The following GULP1 variants were observed in gnomAD, a reference collection of about 807,000 sequenced individuals.
GULP1 encodes the protein PTB domain-containing engulfment adapter protein 1.
Under a neutral mutation model 40.9 loss-of-function variants are expected in GULP1, and 19 were observed. The ratio of observed to expected loss-of-function variants is 0.46; its 90% CI spans 0.32 to 0.68. GULP1 has a LOEUF of 0.68. Among genes scored for constraint, GULP1 ranks in the 30% least tolerant of loss-of-function variants. The pLI, the probability that GULP1 is intolerant of heterozygous loss-of-function variation, is 0.03. For missense variants in GULP1, 312 were observed against 362.2 expected (o/e 0.86, Z 1.12); for synonymous variants, 119 against 117.6 (o/e 1.01, Z -0.08).
intron 11 of GULP1, chr2:188,592,903 T>A (rs540653310): frequency 6.2e-4 from 94 of 152,258 alleles, no homozygotes; most frequent in African/African-American, 2.1e-3. Flanking sequence ...GACATTTTGT[T>A]TTCTTTAGGA....
chr2:188,585,422 A>G (rs185737783), intron 10 of GULP1, among the ~76,000 whole-genome samples: 2 of 152,250 alleles, frequency 1.3e-5, no homozygotes, highest in African/African-American at 4.8e-5. Flanking sequence ...GCCCTAGTAG[A>G]GGTTCTCCAT....
chr2:188,385,587 A>G (rs1559177791), intron 2 of GULP1, among the ~76,000 whole-genome samples: 1 of 152,152 alleles, frequency 6.6e-6, no homozygotes, highest in South Asian at 2.1e-4. Context: ...TTTCTTTTCT[A>G]TTGCATTGTC....
intron 2 of GULP1, among the ~76,000 whole-genome samples, chr2:188,464,619 C>T (rs1033363743): frequency 6.6e-6 from 1 of 152,186 alleles, no homozygotes; most frequent in African/African-American, 2.4e-5. Flanking sequence ...GGACCTAGAT[C>T]GGTTCAGAGG....
chr2:188,545,210 A>G (rs1691582358), intron 7 of GULP1, among the ~76,000 whole-genome samples: 1 of 152,030 alleles, frequency 6.6e-6, no homozygotes. Context: ...TGCCACTACT[A>G]GATATCCTAA....
intron 2 of GULP1, among the ~76,000 whole-genome samples, chr2:188,419,951 A>C (rs2152760400): frequency 6.6e-6 from 1 of 152,280 alleles, no homozygotes; most frequent in East Asian, 1.9e-4. Flanking sequence ...CATTTGTTGA[A>C]GAGAGTATCC....
chr2:188,405,859 C>T (rs2053014995), intron 2 of GULP1, among the ~76,000 whole-genome samples: 1 of 152,198 alleles, frequency 6.6e-6, no homozygotes, highest in Non-Finnish European at 1.5e-5. Context: ...GTCCTGGTTT[C>T]TTCAAATGTG....
chr2:188,505,425 C>T lies in GULP1; in HGVS notation c.91-17331C>T, dbSNP rs148216848. On this transcript the variant is annotated intron_variant, in intron 4 of 11. Transcript: ENST00000409830. The stretch of plus-strand genomic sequence containing the variant: ...TTCCTTCACTGTTTTAATTTTGTAA[C>T]GCTTGGTTCATAGTTTGCCCCCAAA... Among the ~76,000 whole-genome samples the T allele has an allele frequency of 3.9e-3, 586 of 151,810 alleles. 5 individuals carry two copies. Among genetic ancestry groups the T allele is most frequent in the African/African-American group, 0.013 (549 of 41,462 alleles).
chr2:188,509,906 T>C (rs2064330115), intron 4 of GULP1, among the ~76,000 whole-genome samples: 1 of 152,100 alleles, frequency 6.6e-6, no homozygotes, highest in Non-Finnish European at 1.5e-5. Flanking sequence ...TTTGGGTCTA[T>C]TTTGTTCACT....
chr2:188,339,351 G>A (rs1485514828), intron 1 of GULP1, among the ~76,000 whole-genome samples: 1 of 152,058 alleles, frequency 6.6e-6, no homozygotes, highest in Admixed American at 6.6e-5. Flanking sequence ...TGTTTTTGGT[G>A]TTTCAAGTTT....
chr2:188,527,274 G>T (rs1436628870), intron 5 of GULP1, among the ~76,000 whole-genome samples: 1 of 152,158 alleles, frequency 6.6e-6, no homozygotes, highest in Non-Finnish European at 1.5e-5. Context: ...GTCTGGATGT[G>T]GAAGGGGCTT....
chr2:188,527,595 C>T (rs936991294), intron 5 of GULP1, among the ~76,000 whole-genome samples: 4 of 152,160 alleles, frequency 2.6e-5, no homozygotes, highest in Admixed American at 6.5e-5. Context: ...TTATCTGGCA[C>T]GAATTAGTTG....
chr2:188,466,234 G>A (rs2060102193), intron 2 of GULP1, among the ~76,000 whole-genome samples: 1 of 151,724 alleles, frequency 6.6e-6, no homozygotes, highest in Non-Finnish European at 1.5e-5. Context: ...TACTTCATTT[G>A]GATACCAGAA....
chr2:188,317,721 T>G (rs1259552864), intron 1 of GULP1, among the ~76,000 whole-genome samples: 1 of 152,000 alleles, frequency 6.6e-6, no homozygotes, highest in Non-Finnish European at 1.5e-5. Context: ...TATAATAATA[T>G]ACTTAATCAT....
At position 188,533,888 on chromosome 2, in the gene GULP1, C is replaced by T. The variant is rs191762155; in HGVS notation, c.261+4693C>T. On this transcript the variant is annotated intron_variant, in intron 6 of 11. Transcript: ENST00000409830. ...GCTATCAAACATGAAAAAAATGCTC[C>T]GCATCACTAATCAAAGAAATTAAAA... Among the ~76,000 whole-genome samples the T allele has an allele frequency of 4.6e-5, 7 of 152,086 alleles. No homozygotes were observed. The South Asian group carries it at 8.3e-4, about 18-fold the overall frequency.
At position 188,433,059 on chromosome 2, in the gene GULP1, A is replaced by G. The variant is rs181602759; in HGVS notation, c.-44-44600A>G. On this transcript the variant is annotated intron_variant, in intron 2 of 11. Coordinates refer to ENST00000409830, the MANE Select transcript of GULP1 (RefSeq NM_016315.4). ...GTAATGGCAGATTTAAAGCAGGCAG[A>G]AAAAGAAAACAGAGAAACAGATAAC... Among the ~76,000 whole-genome samples, 36 of 152,300 alleles carry G rather than the reference A, an allele frequency of 2.4e-4. No individual in the cohort carries two copies. The East Asian group carries it at 4.6e-3, about 20-fold the overall frequency.
chr2:188,507,224 T>C (rs1340207120), intron 4 of GULP1, among the ~76,000 whole-genome samples: 2 of 151,798 alleles, frequency 1.3e-5, no homozygotes, highest in African/African-American at 4.8e-5. Flanking sequence ...TATCTTCAAA[T>C]AAAGAGTTAA....
intron 2 of GULP1, among the ~76,000 whole-genome samples, chr2:188,446,796 T>C (rs2058425765): frequency 6.6e-6 from 1 of 152,220 alleles, no homozygotes; most frequent in Admixed American, 6.5e-5. Flanking sequence ...GATGTAGTGG[T>C]ATTTCTTGCT....
At chr2:188,497,820 A>G (rs924353070) in intron 4 of GULP1, among the ~76,000 whole-genome samples, 23 of 151,984 alleles carry the variant, frequency 1.5e-4, no homozygotes, top group African/African-American at 5.1e-4. Flanking sequence ...GGTATACAAA[A>G]GAATACACAA....
intron 3 of GULP1, among the ~76,000 whole-genome samples, chr2:188,479,631 A>G (rs1042668245): frequency 1.3e-5 from 2 of 152,096 alleles, no homozygotes; most frequent in Non-Finnish European, 2.9e-5. Flanking sequence ...TAACACTTTA[A>G]TCACTCTAAC....
Sources: allele counts gnomAD v4.1 joint callset (sites outside exome capture counted in the v4.1 genomes callset), GRCh38; gene constraint gnomAD v4.1.1; transcripts MANE v1.5; gene names NCBI Gene and HGNC (gene_info 2026-07-23, HGNC 2026-07-21).